ERMP1: variants seen among roughly 807,000 people sequenced by gnomAD.
ERMP1 encodes the protein Felix-ina.
Under a neutral mutation model 92.0 loss-of-function variants are expected in ERMP1, and 86 were observed. That is an observed-to-expected ratio of 0.93 (90% CI 0.79 to 1.12). The LOEUF (loss-of-function observed/expected upper bound fraction) is 1.12, where lower values mean the gene tolerates loss of function less well. Among genes scored for constraint, ERMP1 ranks in the 50% most tolerant of loss-of-function variants. The pLI, the probability that ERMP1 is intolerant of heterozygous loss-of-function variation, is 0.00. For missense variants in ERMP1, 1,342 were observed against 1,116.3 expected (o/e 1.20, Z -2.88); for synonymous variants, 530 against 412.8 (o/e 1.28, Z -3.44).
chr9:5,804,010 T>C (rs1220864544), intron 10 of ERMP1, among the ~76,000 whole-genome samples: 1 of 152,142 alleles, frequency 6.6e-6, no homozygotes, highest in African/African-American at 2.4e-5. Flanking sequence ...ATGCTGACCA[T>C]GTGTGTAGTG....
intron 5 of ERMP1, among the ~76,000 whole-genome samples, chr9:5,862,697 C>A (rs930463137): frequency 2.0e-5 from 3 of 152,112 alleles, no homozygotes; most frequent in African/African-American, 7.2e-5. Context: ...TAAACCAAAA[C>A]CCTTGTATTA....
At chr9:5,823,669 G>C (rs997235553) in intron 4 of ERMP1, among the ~76,000 whole-genome samples, 1 of 151,894 alleles carries the variant, frequency 6.6e-6, no homozygotes, top group Non-Finnish European at 1.5e-5. Flanking sequence ...TAATATATAT[G>C]AAATGGTTTG....
intron 5 of ERMP1, among the ~76,000 whole-genome samples, chr9:5,861,232 A>T (rs976283715): frequency 4.5e-5 from 6 of 133,302 alleles, no homozygotes; most frequent in African/African-American, 1.6e-4. Context: ...AAAGCTAAGA[A>T]AAAGTAAAGT....
At chr9:5,799,443 AT>A (rs1010862792) in intron 11 of ERMP1, among the ~76,000 whole-genome samples, 3 of 152,208 alleles carry the variant, frequency 2.0e-5, no homozygotes, top group African/African-American at 7.2e-5. Context: ...GCCTAACAGA[AT>A]TCTATGAAAA....
At chr9:5,850,980 C>T (rs945118850) in intron 6 of ERMP1, among the ~76,000 whole-genome samples, 2 of 152,184 alleles carry the variant, frequency 1.3e-5, no homozygotes, top group African/African-American at 4.8e-5. Context: ...AATTCAATCC[C>T]CCATCCAGGA....
chr9:5,812,400 G>T (rs1249127219), intron 5 of ERMP1, among the ~76,000 whole-genome samples, 183 bp from the exon 6 acceptor site: 1 of 152,086 alleles, frequency 6.6e-6, no homozygotes, highest in Non-Finnish European at 1.5e-5. Context: ...TATAGCTTTG[G>T]TACATAATTC....
At chr9:5,825,605 C>G (rs1479728543) in intron 2 of ERMP1, among the ~76,000 whole-genome samples, 3 of 152,214 alleles carry the variant, frequency 2.0e-5, no homozygotes, top group Non-Finnish European at 2.9e-5. Context: ...ACTTCTGGTG[C>G]TCACAGCTTC....
At chr9:5,831,398 G>C (rs1235619669) in intron 1 of ERMP1, among the ~76,000 whole-genome samples, 1 of 152,102 alleles carries the variant, frequency 6.6e-6, no homozygotes, top group African/African-American at 2.4e-5. Flanking sequence ...TTGAGCTCAG[G>C]AGTTTGAGAC....
At chr9:5,791,356 A>G in intron 13 of ERMP1, 1 of 454,970 alleles carries the variant, frequency 2.2e-6, no homozygotes, top group Non-Finnish European at 4.4e-6. Context: ...TCCTTGGGGA[A>G]GGTCAGTCTT....
At chr9:5,815,494 C>CAAAAAAAAA (rs3068691) in intron 4 of ERMP1, among the ~76,000 whole-genome samples, 18 of 97,370 alleles carry the variant, frequency 1.8e-4, no homozygotes, top group Non-Finnish European at 2.5e-4. Flanking sequence ...ACTGAAATAA[C>CAAAAAAAAA]AAAAAAAAAA....
chr9:5,795,232 G>C (rs972346445), intron 13 of ERMP1, among the ~76,000 whole-genome samples: 5 of 152,164 alleles, frequency 3.3e-5, no homozygotes, highest in African/African-American at 1.2e-4. Flanking sequence ...GCTAGGAATA[G>C]AGGGAACTTC....
At chr9:5,847,894 A>T (rs1267833109) in intron 6 of ERMP1, among the ~76,000 whole-genome samples, 1 of 151,170 alleles carries the variant, frequency 6.6e-6, no homozygotes, top group Non-Finnish European at 1.5e-5. Context: ...GACTCCGTCT[A>T]AAAAAATAAA....
intron 4 of ERMP1, among the ~76,000 whole-genome samples, chr9:5,813,901 T>C (rs1829205740): frequency 6.7e-6 from 1 of 148,800 alleles, no homozygotes; most frequent in Non-Finnish European, 1.5e-5. Context: ...ATTATAATTA[T>C]ATAATTATAT....
At chr9:5,850,737 C>A (rs886120212) in intron 6 of ERMP1, among the ~76,000 whole-genome samples, 1 of 152,170 alleles carries the variant, frequency 6.6e-6, no homozygotes, top group Admixed American at 6.5e-5. Flanking sequence ...GAAAATGGCT[C>A]AAATGATTCT....
At chr9:5,812,455 T>C (rs1586797840) in intron 5 of ERMP1, among the ~76,000 whole-genome samples, 2 of 152,194 alleles carry the variant, frequency 1.3e-5, no homozygotes, top group African/African-American at 4.8e-5. Context: ...AGGTAGGCAT[T>C]ACAAGTCACA....
At position 5,805,227 on chromosome 9, in the gene ERMP1, A is replaced by T. The variant is rs557523456; in HGVS notation, c.1724-10T>A. On this transcript the variant is annotated splice_polypyrimidine_tract_variant and intron_variant, in intron 9 of 14. Coordinates refer to ENST00000339450, the MANE Select transcript of ERMP1 (RefSeq NM_024896.3). ...AATTTTCCTTGGGCACCTAGGGAAA[A>T]AGAGAAAAAAAGCACACATCTATGA... The T allele has an allele frequency of 6.3e-7, 1 of 1,591,330 alleles. No homozygotes were observed. The highest frequency in any genetic ancestry group is 1.1e-5 in the South Asian group (1 of 88,680).
At chr9:5,844,880 ATTC>A (rs1830216290) in intron 6 of ERMP1, among the ~76,000 whole-genome samples, 1 of 152,168 alleles carries the variant, frequency 6.6e-6, no homozygotes, top group Non-Finnish European at 1.5e-5. Flanking sequence ...CAAATACCAC[ATTC>A]TTCCCAACTG....
chr9:5,827,711 C>T (rs996303592), intron 2 of ERMP1, among the ~76,000 whole-genome samples: 2 of 151,744 alleles, frequency 1.3e-5, no homozygotes, highest in African/African-American at 2.4e-5. Context: ...AAAAAAATAG[C>T]GAGGCTGAGG....
At chr9:5,793,227 C>T (rs185091528) in intron 13 of ERMP1, among the ~76,000 whole-genome samples, 1 of 151,668 alleles carries the variant, frequency 6.6e-6, no homozygotes, top group Admixed American at 6.6e-5. Context: ...GCTTGCATAG[C>T]TGTAAATGTG....
Sources: gnomAD v4.1 joint callset for allele counts (sites outside exome capture counted in the v4.1 genomes callset) on GRCh38, gnomAD v4.1.1 for gene constraint, MANE v1.5 for transcripts, NCBI Gene and HGNC (gene_info 2026-07-23, HGNC 2026-07-21) for gene names.